CRISPLD2: variants seen among roughly 807,000 people sequenced by gnomAD.
CRISPLD2 encodes the protein cysteine rich secretory protein LCCL domain containing 2.
CRISPLD2 carries 47 observed loss-of-function variants against 71.1 expected under a neutral mutation model. The ratio of observed to expected loss-of-function variants is 0.66; its 90% CI spans 0.52 to 0.84. The LOEUF (loss-of-function observed/expected upper bound fraction) is 0.84. CRISPLD2 is among the 40% of genes least tolerant of loss of function. The pLI is 0.00. For synonymous variants in CRISPLD2, 317 were observed against 250.1 expected, an observed-to-expected ratio of 1.27 and a Z score of -2.52; for missense variants, 830 against 651.1, an observed-to-expected ratio of 1.27 and a Z score of -2.99.
intron 14 of CRISPLD2, among the ~76,000 whole-genome samples, chr16:84,891,270 C>A (rs1442769419): frequency 6.6e-6 from 1 of 152,220 alleles, no homozygotes; most frequent in Non-Finnish European, 1.5e-5. Context: ...GACGCTCAGG[C>A]CTTCCTGCCT....
At chr16:84,901,755 G>A (rs1222706498) in intron 14 of CRISPLD2, among the ~76,000 whole-genome samples, 4 of 145,606 alleles carry the variant, frequency 2.7e-5, no homozygotes, top group Admixed American at 7.0e-5. Context: ...TGGGATTATA[G>A]GCGTGAGCCA....
chr16:84,853,297 C>T (rs916166436), intron 5 of CRISPLD2, among the ~76,000 whole-genome samples: 1 of 152,208 alleles, frequency 6.6e-6, no homozygotes, highest in African/African-American at 2.4e-5. Flanking sequence ...AGGATGGGCT[C>T]TGGGACCTCT....
chr16:84,906,196 A>C (rs754160275), intron 14 of CRISPLD2, among the ~76,000 whole-genome samples: 17 of 152,010 alleles, frequency 1.1e-4, no homozygotes, highest in Non-Finnish European at 2.1e-4. Flanking sequence ...AGCACCTGGC[A>C]TATGCAGTAG....
At chr16:84,856,739 C>T (rs1917251197) in intron 6 of CRISPLD2, among the ~76,000 whole-genome samples, 3 of 152,176 alleles carry the variant, frequency 2.0e-5, no homozygotes, top group African/African-American at 7.2e-5. Flanking sequence ...ATTGTGACTT[C>T]AAAAGGCCAT....
In CRISPLD2 at chr16:84,850,838, A is replaced by G. The variant is rs76401811; in HGVS notation, c.608+155A>G. The stretch of plus-strand genomic sequence containing the variant: ...GTGCATCTGGGTTAGCGTAATAGCT[A>G]AGCAGTGTCAACAAGGACTCGGGTT... On this transcript the variant is annotated intron_variant, in intron 5 of 14. Transcript: ENST00000262424. 2.7e-4 allele frequency among the ~76,000 whole-genome samples: 41 copies of G among 152,318 alleles called. No individual in the cohort carries two copies. The East Asian group carries it at 7.7e-3, about 29-fold the overall frequency.
chr16:84,855,617 C>A (rs143436982), intron 6 of CRISPLD2, among the ~76,000 whole-genome samples: 1 of 152,208 alleles, frequency 6.6e-6, no homozygotes, highest in Non-Finnish European at 1.5e-5. Flanking sequence ...CCTTTGGCAA[C>A]ACCCTCACAG....
At chr16:84,834,090 G>A (rs58549476) in intron 1 of CRISPLD2, among the ~76,000 whole-genome samples, 25,828 of 152,104 alleles carry the variant, frequency 0.17, 2,291 homozygotes, top group Middle Eastern at 0.24. Flanking sequence ...CTTGCTGCTC[G>A]CCCTGGGCAG....
intron 5 of CRISPLD2, among the ~76,000 whole-genome samples, chr16:84,854,190 G>A (rs1917168651): frequency 6.6e-6 from 1 of 152,212 alleles, no homozygotes; most frequent in Admixed American, 6.5e-5. Context: ...ACCTCACTGT[G>A]CCACAGTTTC....
At position 84,880,518 on chromosome 16, in the gene CRISPLD2, T is replaced by A; in HGVS notation, c.1239T>A (p.Cys413Ter). The change falls in exon 13 of 15, where the codon TGT becomes TGA. Residue 413 changes from cysteine (C) to a stop codon, truncating the protein, a stop_gained. Coordinates refer to ENST00000262424, the MANE Select transcript of CRISPLD2 (RefSeq NM_031476.4). LOFTEE classifies it high-confidence loss of function. Reference protein sequence around the residue: ...KPATHCPRIHCPAHCKDEPSY... With the variant: ...KPATHCPRIH ...GCTTCCTGTTTTTCAGAATCCATTG[T>A]CCGGCACACTGCAAAGACGAACCTT... 6.2e-7 allele frequency: 1 copy of A among 1,613,538 alleles called. No individual in the cohort carries two copies. The highest frequency in any genetic ancestry group is 8.5e-7 in the Non-Finnish European group (1 of 1,179,590).
rs115718149 is a variant in CRISPLD2, at chr16:84,823,044, T to C, written c.-75+2911T>C. 7.5e-3 allele frequency among the ~76,000 whole-genome samples: 1,138 copies of C among 152,294 alleles called. 13 individuals carry two copies. Among genetic ancestry groups the C allele is most frequent in the African/African-American group, 0.026 (1,084 of 41,530 alleles). On this transcript the variant is annotated intron_variant, in intron 1 of 14. Transcript: ENST00000262424. ...TCGCCATTCTCCTCCCTTCAGCCGC[T>C]CATCTCCTTTCTGTCTCTACGAACT...
At chr16:84,846,314 G>A (rs12932773) in intron 3 of CRISPLD2, among the ~76,000 whole-genome samples, 56,283 of 149,324 alleles carry the variant, frequency 0.38, 10,856 homozygotes, top group South Asian at 0.45. Flanking sequence ...GTGCAGTGGC[G>A]CAATCTCGGC....
chr16:84,895,163 C>T (rs2071695417), intron 14 of CRISPLD2, among the ~76,000 whole-genome samples: 1 of 152,304 alleles, frequency 6.6e-6, no homozygotes, highest in Non-Finnish European at 1.5e-5. Context: ...GTCATTATCC[C>T]TATTTTATCA....
chr16:84,837,610 G>T, intron 1 of CRISPLD2, among the ~76,000 whole-genome samples: 1 of 150,644 alleles, frequency 6.6e-6, no homozygotes. Context: ...GTAGAGACAG[G>T]GTTTCATCGT....
At chr16:84,828,012 G>A (rs531270087) in intron 1 of CRISPLD2, among the ~76,000 whole-genome samples, 49 of 152,232 alleles carry the variant, frequency 3.2e-4, no homozygotes, top group African/African-American at 1.2e-3. Context: ...TCCGCTGCCC[G>A]TTTGTTTACT....
intron 1 of CRISPLD2, among the ~76,000 whole-genome samples, chr16:84,832,505 A>T (rs1916511977): frequency 6.6e-6 from 1 of 152,268 alleles, no homozygotes; most frequent in South Asian, 2.1e-4. Flanking sequence ...GTAAATATTT[A>T]TCAAACACTG....
intron 12 of CRISPLD2, among the ~76,000 whole-genome samples, 178 bp downstream of exon 12, chr16:84,877,688 A>G (rs1409578454): frequency 1.3e-5 from 2 of 151,898 alleles, no homozygotes; most frequent in Non-Finnish European, 2.9e-5. Flanking sequence ...CATTTCTACT[A>G]AAATTACAAA....
chr16:84,880,627 T>G (rs369090929), intron 13 of CRISPLD2, 43 bp downstream of exon 13: 6 of 1,514,534 alleles, frequency 4.0e-6, no homozygotes, highest in Admixed American at 1.7e-5. Context: ...CAAAGCCTGT[T>G]AAAGACCTCA....
intron 1 of CRISPLD2, among the ~76,000 whole-genome samples, chr16:84,822,739 C>A (rs543034576): frequency 4.6e-5 from 7 of 151,996 alleles, no homozygotes; most frequent in Non-Finnish European, 1.0e-4. Flanking sequence ...ACCTAAAGCA[C>A]GTTGTAAAGT....
chr16:84,872,396 A>G (rs139614090), intron 8 of CRISPLD2, 46 bp from the exon 9 acceptor site: 2 of 1,476,112 alleles, frequency 1.4e-6, no homozygotes, highest in African/African-American at 2.8e-5. Context: ...GTGAGATGTA[A>G]TCAACGTGCT....
Sources: allele counts gnomAD v4.1 joint callset (sites outside exome capture counted in the v4.1 genomes callset), GRCh38; gene constraint gnomAD v4.1.1; transcripts MANE v1.5; gene names NCBI Gene and HGNC (gene_info 2026-07-23, HGNC 2026-07-21).